Variants in CNST observed in about 807,000 individuals in gnomAD.
CNST encodes the protein consortin.
CNST carries 39 observed loss-of-function variants against 72.4 expected under a neutral mutation model. The ratio of observed to expected loss-of-function variants is 0.54; its 90% CI spans 0.42 to 0.70. The LOEUF is 0.70. CNST is among the 30% of genes least tolerant of loss of function. CNST has a pLI of 0.00. For synonymous variants in CNST, 332 were observed against 320.1 expected (o/e 1.04, Z -0.40); for missense variants, 871 against 868.5 (o/e 1.00, Z -0.04).
chr1:246,591,560 C>G lies in CNST; in HGVS notation c.-3C>G, dbSNP rs376135973. ...TTTAAATGGTTCACCAAAGGATGCT[C>G]TAATGGATGACAGCGATACTCCTAC... On this transcript the variant is annotated 5_prime_UTR_variant, in exon 2 of 11. Transcript: ENST00000366513. 24 of 1,613,832 alleles carry G rather than the reference C, an allele frequency of 1.5e-5. No homozygotes were observed. The highest frequency in any genetic ancestry group is 2.0e-5 in the Non-Finnish European group (24 of 1,179,858).
chr1:246,618,831 G>A, intron 2 of CNST, among the ~76,000 whole-genome samples: 1 of 152,158 alleles, frequency 6.6e-6, no homozygotes, highest in East Asian at 1.9e-4. Flanking sequence ...AAATAACCGA[G>A]ATAACCACGA....
In CNST at chr1:246,566,531, G is replaced by A. The variant is rs1659692941; in HGVS notation, c.-184G>A. 1 of 431,378 alleles carries A rather than the reference G, an allele frequency of 2.3e-6. No individual in the cohort carries two copies. The highest frequency in any genetic ancestry group is 4.1e-6 in the Non-Finnish European group (1 of 242,310). The allele number at this position is 431,378 out of a possible 1,614,324, so 26.7% of individuals were successfully genotyped here. A position where few individuals can be genotyped will look rare whatever the true frequency, so the allele number is the denominator to read the frequency against. On this transcript the variant is annotated 5_prime_UTR_variant, in exon 1 of 11. Transcript: ENST00000366513. Reference sequence around the variant, plus strand: ...AGGGAGGCGGGGCGGAAAGGCGAGAGGTGTCTCCTCCACCGGAGCCAGGGG... The same window carrying A: ...AGGGAGGCGGGGCGGAAAGGCGAGAAGTGTCTCCTCCACCGGAGCCAGGGG...
chr1:246,652,149 A>C (rs182986332), intron 9 of CNST, among the ~76,000 whole-genome samples: 1 of 152,298 alleles, frequency 6.6e-6, no homozygotes, highest in Admixed American at 6.5e-5. Flanking sequence ...AACCCCCTTT[A>C]CTCAGGAACC....
chr1:246,641,453 G>A (rs113895963), intron 6 of CNST, among the ~76,000 whole-genome samples: 11 of 152,218 alleles, frequency 7.2e-5, no homozygotes, highest in South Asian at 6.2e-4. Flanking sequence ...GTGTGAAATC[G>A]TCTTTATTAG....
chr1:246,643,759 C>G (rs74484901), intron 8 of CNST, among the ~76,000 whole-genome samples: 4,605 of 152,212 alleles, frequency 0.03, 232 homozygotes, highest in African/African-American at 0.11. Context: ...TCCAGTTTCA[C>G]CAAACAGTGT....
chr1:246,581,013 A>T (rs984672395), intron 1 of CNST, among the ~76,000 whole-genome samples: 1 of 151,746 alleles, frequency 6.6e-6, no homozygotes, highest in Admixed American at 6.6e-5. Flanking sequence ...TGCTGGGATT[A>T]CAGGCATGCG....
At chr1:246,593,584 C>T (rs1446192927) in intron 2 of CNST, among the ~76,000 whole-genome samples, 5 of 152,092 alleles carry the variant, frequency 3.3e-5, no homozygotes, top group African/African-American at 7.2e-5. Context: ...CCTCGTGATC[C>T]GCCCACCTCT....
At chr1:246,645,520 C>T (rs1177789848) in intron 8 of CNST, among the ~76,000 whole-genome samples, 1 of 151,016 alleles carries the variant, frequency 6.6e-6, no homozygotes, top group Non-Finnish European at 1.5e-5. Flanking sequence ...CTCCGCCTCC[C>T]GGGTTCACGC....
chr1:246,628,728 C>T (rs569234733), intron 3 of CNST, among the ~76,000 whole-genome samples: 1 of 152,172 alleles, frequency 6.6e-6, no homozygotes, highest in Admixed American at 6.5e-5. Flanking sequence ...CCAGATACCC[C>T]CTTCTTCACA....
In CNST at chr1:246,647,564, G is replaced by A; in HGVS notation, c.1363G>A (p.Ala455Thr). ...GATTTCTGAGGGTAAATATTCACAG[G>A]CTCAGAGGAAAGAACTCCGTTTGCC... ...ALISEGKYSQ[A>T]QRKELRLPLR... The change falls in exon 9 of 11, where the codon GCT (alanine) becomes ACT (threonine). Residue 455 changes from alanine (A) to threonine (T), a missense_variant. Physicochemically the swap from Ala to Thr is moderately conservative, Grantham distance 58. Transcript: ENST00000366513. The A allele has an allele frequency of 6.2e-7, 1 of 1,614,170 alleles. No individual in the cohort carries two copies. Among genetic ancestry groups the A allele is most frequent in the Non-Finnish European group, 8.5e-7 (1 of 1,180,038 alleles).
intron 9 of CNST, among the ~76,000 whole-genome samples, chr1:246,657,669 G>C (rs1666843865): frequency 6.6e-6 from 1 of 152,146 alleles, no homozygotes; most frequent in Admixed American, 6.5e-5. Flanking sequence ...GTATCCCTTA[G>C]TGTTGACTTC....
chr1:246,645,434 T>TA (rs201690329), intron 8 of CNST, among the ~76,000 whole-genome samples: 4,158 of 146,078 alleles, frequency 0.028, 98 homozygotes, highest in East Asian at 0.04. Context: ...CTTTTTTTTT[T>TA]TTTTTTTTTT....
chr1:246,582,238 C>T (rs139209618), intron 1 of CNST, among the ~76,000 whole-genome samples: 72 of 152,294 alleles, frequency 4.7e-4, no homozygotes, highest in African/African-American at 1.7e-3. Context: ...TTCTATCTCT[C>T]ACCATCTGTT....
rs1660110364 is a variant in CNST, at chr1:246,572,238, C to T, written c.-52+5575C>T. 3.3e-5 allele frequency among the ~76,000 whole-genome samples: 5 copies of T among 152,082 alleles called. No individual in the cohort carries two copies. In the South Asian group the frequency reaches 1.0e-3, roughly 32 times the overall value. ...TGGGTGACAGAGTAAGACCCTGTCT[C>T]AAAAATACATACATAAATGAATTAA... On this transcript the variant is annotated intron_variant, in intron 1 of 10. Coordinates refer to ENST00000366513, the MANE Select transcript of CNST (RefSeq NM_152609.3).
chr1:246,647,734 T>G lies in CNST; in HGVS notation c.1533T>G (p.Cys511Trp). The G allele has an allele frequency of 6.2e-7, 1 of 1,614,116 alleles. No individual in the cohort carries two copies. The highest frequency in any genetic ancestry group is 8.5e-7 in the Non-Finnish European group (1 of 1,180,002). The change falls in exon 9 of 11, where the codon TGT becomes TGG. Residue 511 changes from cysteine (C) to tryptophan (W), a missense_variant. By Grantham distance (215) the Cys-to-Trp change is radical. Coordinates refer to ENST00000366513, the MANE Select transcript of CNST (RefSeq NM_152609.3). ...CAGACGGTTCTGAGAATGTGCTCTG[T>G]GGAAATAATCAAATATCTGACTTAG... ...ADSDGSENVL[C>W]GNNQISDLGI...
At chr1:246,658,779 G>A (rs182410599) in intron 9 of CNST, among the ~76,000 whole-genome samples, 70 of 152,270 alleles carry the variant, frequency 4.6e-4, no homozygotes, top group African/African-American at 1.5e-3. Flanking sequence ...TTCGGTGTTA[G>A]GCCCACAGTG....
rs1383998828 is a variant in CNST at position 246,666,190 on chromosome 1, A to T, written c.*285A>T. The T allele has an allele frequency of 8.7e-6, 3 of 344,134 alleles. No individual in the cohort carries two copies. The highest frequency in any genetic ancestry group is 6.2e-5 in the African/African-American group (3 of 48,134). 21.3% of individuals were successfully genotyped at this position (344,134 alleles called of 1,614,324 possible). On this transcript the variant is annotated 3_prime_UTR_variant, in exon 11 of 11. Transcript: ENST00000366513. ...TAATGTCATGAGGTACACTGAGCAG[A>T]ATTAAACAGGGTAGTCTTAACCACA... is the stretch of plus-strand genomic sequence containing the variant.
intron 1 of CNST, among the ~76,000 whole-genome samples, chr1:246,573,791 T>G (rs1487616753): frequency 1.3e-5 from 2 of 152,242 alleles, no homozygotes; most frequent in Non-Finnish European, 2.9e-5. Flanking sequence ...TAACGCTTTG[T>G]GTAAAACCAC....
intron 6 of CNST, among the ~76,000 whole-genome samples, chr1:246,641,134 G>T (rs1558581799): frequency 6.6e-6 from 1 of 152,314 alleles, no homozygotes. Flanking sequence ...GTTGTTGCAT[G>T]TAACAGTGGT....
Sources: allele counts gnomAD v4.1 joint callset (sites outside exome capture counted in the v4.1 genomes callset), GRCh38; gene constraint gnomAD v4.1.1; transcripts MANE v1.5; gene names NCBI Gene and HGNC (gene_info 2026-07-23, HGNC 2026-07-21).